DNAJC5: variants seen among roughly 807,000 people sequenced by gnomAD.
The protein encoded by DNAJC5 is DnaJ heat shock protein family (Hsp40) member C5, also known as dnaJ homolog subfamily C member 5.
Under a neutral mutation model 23.2 loss-of-function variants are expected in DNAJC5, and 1 was observed. The observed-to-expected ratio is 0.04, with a 90% confidence interval of 0.02 to 0.20. DNAJC5 has a LOEUF of 0.20. Ranked by LOEUF, DNAJC5 falls within the 10% of genes least tolerant of loss-of-function variation. DNAJC5 has a pLI of 1.00. For synonymous variants in DNAJC5, 136 were observed against 120.0 expected (o/e 1.13, Z -0.87); for missense variants, 180 against 267.0 (o/e 0.67, Z 2.27).
At chr20:63,914,790 AT>A (rs1171002648) in intron 1 of DNAJC5, among the ~76,000 whole-genome samples, 1 of 151,404 alleles carries the variant, frequency 6.6e-6, no homozygotes, top group South Asian at 2.1e-4. Flanking sequence ...TAATTTCTGT[AT>A]TTTTAGCAGA....
intron 1 of DNAJC5, among the ~76,000 whole-genome samples, chr20:63,924,211 C>CA (rs1043173664): frequency 1.3e-4 from 19 of 150,774 alleles, no homozygotes; most frequent in Admixed American, 3.3e-4. Flanking sequence ...TCAGTTTCTG[C>CA]AAAAAAAAAT....
chr20:63,916,679 C>T (rs971321893), intron 1 of DNAJC5, among the ~76,000 whole-genome samples: 1 of 152,138 alleles, frequency 6.6e-6, no homozygotes, highest in Non-Finnish European at 1.5e-5. Flanking sequence ...TCCTAGTAAG[C>T]CTGAGGGTAC....
rs564265826 is a variant in DNAJC5 at position 63,926,120 on chromosome 20, G to A, written c.-11-2215G>A. On this transcript the variant is annotated intron_variant, in intron 1 of 4. Transcript: ENST00000360864. Reference sequence around the variant, plus strand: ...TGGGATTACAGGCGTGAGCCACGGCGCCTGGCCTTCTGGGGATTTTTTATT... The same window carrying A: ...TGGGATTACAGGCGTGAGCCACGGCACCTGGCCTTCTGGGGATTTTTTATT... Among the ~76,000 whole-genome samples, 24 of 152,280 alleles carry A rather than the reference G, an allele frequency of 1.6e-4. No individual in the cohort carries two copies. The South Asian group carries it at 4.3e-3, about 28-fold the overall frequency.
At chr20:63,902,610 C>G (rs2053421137) in intron 1 of DNAJC5, among the ~76,000 whole-genome samples, 1 of 151,098 alleles carries the variant, frequency 6.6e-6, no homozygotes, top group Non-Finnish European at 1.5e-5. Flanking sequence ...TCAGGTGATC[C>G]ACTCACCTCG....
intron 1 of DNAJC5, among the ~76,000 whole-genome samples, chr20:63,911,644 T>C (rs536764986): frequency 6.6e-6 from 1 of 152,154 alleles, no homozygotes; most frequent in Admixed American, 6.6e-5. Context: ...TGAAATCTTT[T>C]GGGGATTTCT....
chr20:63,921,329 C>A (rs572775557), intron 1 of DNAJC5, among the ~76,000 whole-genome samples: 2 of 152,236 alleles, frequency 1.3e-5, no homozygotes, highest in South Asian at 4.1e-4. Flanking sequence ...TGGTGGCTCA[C>A]ACCTGTAATC....
Position 63,918,619 on chromosome 20 carries a change from G to A in DNAJC5, c.-11-9716G>A, listed in dbSNP as rs569924354. Among the ~76,000 whole-genome samples the A allele has an allele frequency of 9.2e-5, 14 of 152,014 alleles. No homozygotes were observed. The South Asian group carries it at 2.5e-3, about 27-fold the overall frequency. ...ATATTTTTTGTTGTTTTTTTGAGAC[G>A]GAGTCTCGCTCTGTCACCCATGCTG... On this transcript the variant is annotated intron_variant, in intron 1 of 4. Transcript: ENST00000360864.
chr20:63,918,284 A>T (rs995933140), intron 1 of DNAJC5, among the ~76,000 whole-genome samples: 1 of 152,178 alleles, frequency 6.6e-6, no homozygotes, highest in African/African-American at 2.4e-5. Context: ...CAGAGCCTGA[A>T]GGTGGGAGAT....
rs2053383399 is a variant in DNAJC5, at chr20:63,897,595, G to C, written c.-12+2272G>C. On this transcript the variant is annotated intron_variant, in intron 1 of 4. Coordinates refer to ENST00000360864, the MANE Select transcript of DNAJC5 (RefSeq NM_025219.3). Reference sequence around the variant, plus strand: ...ATAAATAAAAATAAATAAAAAGTCAGATCTGCCAGTGGTAATAATGCTTTT... The same window carrying C: ...ATAAATAAAAATAAATAAAAAGTCACATCTGCCAGTGGTAATAATGCTTTT... 2.6e-5 allele frequency among the ~76,000 whole-genome samples: 4 copies of C among 152,104 alleles called. No homozygotes were observed. In the South Asian group the frequency reaches 6.2e-4, roughly 24 times the overall value.
At chr20:63,904,237 C>G (rs2053432971) in intron 1 of DNAJC5, among the ~76,000 whole-genome samples, 1 of 152,104 alleles carries the variant, frequency 6.6e-6, no homozygotes, top group South Asian at 2.1e-4. Context: ...GAAGAATAAG[C>G]ACAAATAATG....
chr20:63,902,032 A>T (rs1329845300), intron 1 of DNAJC5, among the ~76,000 whole-genome samples: 1 of 151,234 alleles, frequency 6.6e-6, no homozygotes, highest in Admixed American at 6.6e-5. Context: ...TTCTTTCTTG[A>T]TGTGTTCTTT....
chr20:63,909,631 A>G (rs1330838968), intron 1 of DNAJC5, among the ~76,000 whole-genome samples: 1 of 152,220 alleles, frequency 6.6e-6, no homozygotes, highest in African/African-American at 2.4e-5. Flanking sequence ...CAGTGAGCCG[A>G]GATTGTGCCA....
In DNAJC5 at chr20:63,930,682, C is replaced by G. The variant is rs552726698; in HGVS notation, c.322-169C>G. ...TTTTCTTTAAGCTGCGGGTTTCTTT[C>G]TGTCTCTCCTCCTCCCTTCTTCAGT... On this transcript the variant is annotated intron_variant, in intron 3 of 4. Coordinates refer to ENST00000360864, the MANE Select transcript of DNAJC5 (RefSeq NM_025219.3). 3.3e-5 allele frequency among the ~76,000 whole-genome samples: 5 copies of G among 152,322 alleles called. No individual in the cohort carries two copies. The East Asian group carries it at 9.6e-4, about 29-fold the overall frequency.
chr20:63,918,965 G>C (rs1036139448), intron 1 of DNAJC5, among the ~76,000 whole-genome samples: 1 of 152,170 alleles, frequency 6.6e-6, no homozygotes, highest in East Asian at 1.9e-4. Flanking sequence ...AACAAAAATA[G>C]ACTTCCTTTT....
At chr20:63,897,679 G>A (rs1430731843) in intron 1 of DNAJC5, among the ~76,000 whole-genome samples, 1 of 152,194 alleles carries the variant, frequency 6.6e-6, no homozygotes, top group African/African-American at 2.4e-5. Flanking sequence ...ATACTCCGTC[G>A]TGACATTTGG....
At position 63,931,550 on chromosome 20, in the gene DNAJC5, C is replaced by A; in HGVS notation, c.579C>A (p.His193Gln). ...CAGCCGACTCCCACCCCAGCTACCACACTGACGGGTTCAACTAAATCCAGG... is the reference window on the plus strand; with the variant it reads ...CAGCCGACTCCCACCCCAGCTACCAAACTGACGGGTTCAACTAAATCCAGG... Reference protein sequence around the residue: ...QLTADSHPSYHTDGFN With the variant: ...QLTADSHPSYQTDGFN The change falls in exon 5 of 5, where the codon CAC becomes CAA. Residue 193 changes from histidine (H) to glutamine (Q), a missense_variant. Physicochemically the swap from His to Gln is conservative, Grantham distance 24. This residue lies in a region of DNAJC5 where 97 missense variants were observed against 123.4 expected (regional missense o/e 0.79). Transcript: ENST00000360864. The surrounding 1 kb of genome is among the most constrained non-coding windows in gnomAD (Gnocchi z 9.6). 6.3e-7 allele frequency: 1 copy of A among 1,577,422 alleles called. No homozygotes were observed.
At chr20:63,913,081 A>C (rs2146282894) in intron 1 of DNAJC5, among the ~76,000 whole-genome samples, 2 of 151,668 alleles carry the variant, frequency 1.3e-5, no homozygotes, top group Non-Finnish European at 1.5e-5. Flanking sequence ...CCCCGTCTCC[A>C]TCTCCCTGTC....
intron 1 of DNAJC5, among the ~76,000 whole-genome samples, chr20:63,905,724 C>T (rs2053444613): frequency 6.6e-6 from 1 of 151,458 alleles, no homozygotes; most frequent in African/African-American, 2.4e-5. Flanking sequence ...GGCGTGCCAC[C>T]CTGCCCAGCT....
chr20:63,899,566 AT>A (rs1331482738), intron 1 of DNAJC5, among the ~76,000 whole-genome samples: 1 of 152,224 alleles, frequency 6.6e-6, no homozygotes, highest in Non-Finnish European at 1.5e-5. Flanking sequence ...AATTGCAGAA[AT>A]TAGGACAGCA....
Sources: gnomAD v4.1 joint callset for allele counts (sites outside exome capture counted in the v4.1 genomes callset) on GRCh38, gnomAD v4.1.1 for gene constraint, gnomAD v4.1.1 regional missense constraint, Gnocchi (gnomAD v3.1) non-coding constraint, MANE v1.5 for transcripts, NCBI Gene and HGNC (gene_info 2026-07-23, HGNC 2026-07-21) for gene names.